PLXNC1: variants seen among roughly 807,000 people sequenced by gnomAD.
The protein encoded by PLXNC1 is plexin-C1.
In PLXNC1, 75 loss-of-function variants were observed where a neutral mutation model predicts 178.2. The ratio of observed to expected loss-of-function variants is 0.42; its 90% confidence interval spans 0.35 to 0.51. PLXNC1 has a LOEUF of 0.51. Among genes scored for constraint, PLXNC1 ranks in the 20% least tolerant of loss-of-function variants. PLXNC1 has a pLI of 0.02. For synonymous variants in PLXNC1, 790 were observed against 779.9 expected (o/e 1.01, Z -0.22); for missense variants, 1,503 against 1,984.4 (o/e 0.76, Z 4.61).
At position 94,273,764 on chromosome 12, in the gene PLXNC1, A is replaced by G. The variant is rs372543905; in HGVS notation, c.3598-5708A>G. Among the ~76,000 whole-genome samples the G allele has an allele frequency of 1.8e-4, 27 of 152,314 alleles. No homozygotes were observed. The East Asian group carries it at 4.6e-3, about 26-fold the overall frequency. ...TAAATGGTCATCAATAGACGAATCT[A>G]CCTCAGCATCCACAAAATGAGCTCT... On this transcript the variant is annotated intron_variant, in intron 21 of 30. Transcript: ENST00000258526.
intron 20 of PLXNC1, among the ~76,000 whole-genome samples, chr12:94,263,534 C>T (rs367824667): frequency 1.3e-3 from 199 of 148,888 alleles, no homozygotes; most frequent in African/African-American, 4.9e-3. Context: ...GTACACAGCC[C>T]CTATCCAAGG....
chr12:94,231,056 A>C (rs1005906742), intron 9 of PLXNC1, among the ~76,000 whole-genome samples: 1 of 152,198 alleles, frequency 6.6e-6, no homozygotes, highest in African/African-American at 2.4e-5. Flanking sequence ...ATTAATATGA[A>C]GGTACAAGAA....
intron 24 of PLXNC1, 22 bp downstream of exon 24, chr12:94,294,562 A>G (rs1384225470): frequency 9.3e-7 from 1 of 1,071,750 alleles, no homozygotes; most frequent in Non-Finnish European, 1.4e-6. Context: ...AATATTGTTA[A>G]CCTTTTGTTC....
chr12:94,177,938 TTAAA>T (rs1962162732), intron 2 of PLXNC1, among the ~76,000 whole-genome samples: 1 of 152,242 alleles, frequency 6.6e-6, no homozygotes, highest in Non-Finnish European at 1.5e-5. Flanking sequence ...AGTTGTTTTC[TTAAA>T]TAATAGTAAC....
intron 23 of PLXNC1, among the ~76,000 whole-genome samples, chr12:94,287,874 A>G (rs1382787512): frequency 6.6e-6 from 1 of 152,254 alleles, no homozygotes; most frequent in African/African-American, 2.4e-5. Flanking sequence ...GGCTTTGACC[A>G]ACAGCAGCTC....
rs117876689 is a variant in PLXNC1, at chr12:94,293,893, C to T, written c.3880-593C>T. 1.7e-3 allele frequency among the ~76,000 whole-genome samples: 263 copies of T among 152,158 alleles called. 11 individuals are homozygous for T. The East Asian group carries it at 0.041, about 23-fold the overall frequency. ...CTTCTTCCTCCCAAAGTGCTGGGAT[C>T]GCAGGAGTGAGGCACCACGCCCAGC... On this transcript the variant is annotated intron_variant, in intron 23 of 30. Coordinates refer to ENST00000258526, the MANE Select transcript of PLXNC1 (RefSeq NM_005761.3).
chr12:94,297,105 TG>T, intron 24 of PLXNC1, 83 bp from the exon 25 acceptor site: 1 of 1,325,254 alleles, frequency 7.5e-7, no homozygotes, highest in Non-Finnish European at 1.1e-6. Context: ...ACAGCACAAA[TG>T]GGGCCTTTTA....
At chr12:94,297,120 G>C (rs990013170) in intron 24 of PLXNC1, 69 bp from the exon 25 acceptor site, 4 of 1,500,314 alleles carry the variant, frequency 2.7e-6, no homozygotes, top group Non-Finnish European at 2.8e-6. Flanking sequence ...CCTTTTAAGA[G>C]AAGGCCGATT....
At chr12:94,199,552 G>A (rs1341461231) in intron 4 of PLXNC1, among the ~76,000 whole-genome samples, 1 of 152,334 alleles carries the variant, frequency 6.6e-6, no homozygotes, top group East Asian at 1.9e-4. Context: ...GTGAATGCTG[G>A]AAGGGATTTG....
chr12:94,160,706 C>T (rs1252634466), intron 1 of PLXNC1, among the ~76,000 whole-genome samples: 2 of 152,150 alleles, frequency 1.3e-5, no homozygotes, highest in Non-Finnish European at 2.9e-5. Context: ...CCCTGCAGAG[C>T]TCTTGTGCTG....
At chr12:94,184,278 C>A (rs1332469004) in intron 3 of PLXNC1, among the ~76,000 whole-genome samples, 3 of 150,986 alleles carry the variant, frequency 2.0e-5, no homozygotes, top group Non-Finnish European at 4.4e-5. Flanking sequence ...CTACCATGCC[C>A]GGCTAATTTT....
chr12:94,237,451 T>C (rs1565823967), intron 9 of PLXNC1, among the ~76,000 whole-genome samples: 1 of 152,220 alleles, frequency 6.6e-6, no homozygotes, highest in South Asian at 2.1e-4. Flanking sequence ...CAAAGACTAA[T>C]TGGTTTGACC....
At chr12:94,200,232 T>C (rs561102006) in intron 4 of PLXNC1, among the ~76,000 whole-genome samples, 1 of 152,344 alleles carries the variant, frequency 6.6e-6, no homozygotes, top group African/African-American at 2.4e-5. Context: ...AGTAAATATA[T>C]GTTGTAATGG....
intron 21 of PLXNC1, among the ~76,000 whole-genome samples, chr12:94,271,296 C>T (rs1024247290): frequency 3.3e-5 from 5 of 152,160 alleles, no homozygotes; most frequent in Non-Finnish European, 5.9e-5. Context: ...GAGGCAGCAA[C>T]GTTCCTGCTT....
intron 21 of PLXNC1, among the ~76,000 whole-genome samples, chr12:94,271,998 G>C (rs966101379): frequency 2.6e-5 from 4 of 152,130 alleles, no homozygotes; most frequent in Admixed American, 1.3e-4. Flanking sequence ...GTATCCCATT[G>C]GGCAGATGTG....
chr12:94,223,596 C>T (rs1963854562), intron 6 of PLXNC1, among the ~76,000 whole-genome samples: 1 of 152,206 alleles, frequency 6.6e-6, no homozygotes, highest in African/African-American at 2.4e-5. Flanking sequence ...TAAAGAGATA[C>T]AGGAAATACT....
At position 94,149,902 on chromosome 12, in the gene PLXNC1, A is replaced by T; in HGVS notation, c.931A>T (p.Ser311Cys). Residue 311 changes from serine to cysteine, a missense_variant, in exon 1 of 31, where the codon AGC becomes TGC. Ser to Cys is a moderately radical substitution (Grantham distance 112). Around this residue, in one of 4 missense-constraint regions of PLXNC1, gnomAD observed 615 missense variants for 698.6 expected, o/e 0.88. Coordinates refer to ENST00000258526, the MANE Select transcript of PLXNC1 (RefSeq NM_005761.3). ...CCTGGACGTCTGGGCGGGAGTGTTC[A>T]GCGCGGCCGCTGGAGAGGGCCAGGA... ...EALDVWAGVF[S>C]AAAGEGQERR... 7 of 1,589,148 alleles carry T rather than the reference A, an allele frequency of 4.4e-6. No individual in the cohort carries two copies. Among genetic ancestry groups the T allele is most frequent in the Non-Finnish European group, 6.0e-6 (7 of 1,168,682 alleles).
intron 2 of PLXNC1, among the ~76,000 whole-genome samples, chr12:94,177,500 AAAC>A (rs1381658283): frequency 6.6e-6 from 1 of 150,826 alleles, no homozygotes; most frequent in Non-Finnish European, 1.5e-5. Context: ...AAAGAAAGAA[AAAC>A]AAAGAAAGAA....
At chr12:94,200,072 C>A (rs1330734628) in intron 4 of PLXNC1, among the ~76,000 whole-genome samples, 1 of 152,216 alleles carries the variant, frequency 6.6e-6, no homozygotes, top group Admixed American at 6.5e-5. Flanking sequence ...GGATTACAGG[C>A]GTGAGCCACC....
Sources: allele counts gnomAD v4.1 joint callset (sites outside exome capture counted in the v4.1 genomes callset), GRCh38; gene constraint gnomAD v4.1.1; regional missense constraint gnomAD v4.1.1; transcripts MANE v1.5; gene names NCBI Gene and HGNC (gene_info 2026-07-23, HGNC 2026-07-21).